RHOBTB3: variants seen among roughly 807,000 people sequenced by gnomAD.
RHOBTB3 encodes Rho related BTB domain containing 3.
RHOBTB3 carries 47 observed loss-of-function variants against 67.2 expected under a neutral mutation model. The ratio of observed to expected loss-of-function variants is 0.70; its 90% CI spans 0.55 to 0.89. The LOEUF is 0.89. Among genes scored for constraint, RHOBTB3 ranks in the 40% least tolerant of loss-of-function variants. The probability of loss-of-function intolerance (pLI) is 0.00; values close to 1 mark genes in which losing one functional copy is unlikely to be tolerated. For missense variants in RHOBTB3, 631 were observed against 750.0 expected (o/e 0.84, Z 1.85); for synonymous variants, 273 against 274.2 (o/e 1.00, Z 0.04).
chr5:95,777,459 T>C (rs1433475446), intron 8 of RHOBTB3, among the ~76,000 whole-genome samples: 2 of 152,228 alleles, frequency 1.3e-5, no homozygotes, highest in African/African-American at 2.4e-5. Flanking sequence ...ATTCTTAAAA[T>C]TGTAACATCA....
intron 3 of RHOBTB3, among the ~76,000 whole-genome samples, chr5:95,747,447 A>T (rs948010737): frequency 1.3e-5 from 2 of 152,210 alleles, no homozygotes; most frequent in African/African-American, 4.8e-5. Flanking sequence ...AACAACATGC[A>T]TTTCTAGAAA....
chr5:95,782,285 G>C (rs1225010685), intron 9 of RHOBTB3: 2 of 152,074 alleles, frequency 1.3e-5, no homozygotes, highest in African/African-American at 4.8e-5. Context: ...ATGTAAGGAG[G>C]GATAAGAACG....
intron 10 of RHOBTB3, among the ~76,000 whole-genome samples, chr5:95,785,050 C>T (rs1333017932): frequency 6.6e-6 from 1 of 152,222 alleles, no homozygotes; most frequent in Non-Finnish European, 1.5e-5. Flanking sequence ...AAAAGCATGA[C>T]AACTTTTATC....
chr5:95,734,635 C>G, intron 2 of RHOBTB3, among the ~76,000 whole-genome samples: 1 of 152,176 alleles, frequency 6.6e-6, no homozygotes, highest in East Asian at 1.9e-4. Context: ...GTGTCTTTCT[C>G]TCTCTTTCCC....
Position 95,738,524 on chromosome 5 carries a change from A to G in RHOBTB3, c.415+1449A>G, listed in dbSNP as rs115145688. ...AATGGATTGATGCTATTATCTTTAA[A>G]GTGGGTTAATTATCATGGGAGTGGG... On this transcript the variant is annotated intron_variant, in intron 3 of 11. Coordinates refer to ENST00000379982, the MANE Select transcript of RHOBTB3 (RefSeq NM_014899.4). 5.7e-3 allele frequency among the ~76,000 whole-genome samples: 868 copies of G among 152,270 alleles called. 9 individuals are homozygous for G. Among genetic ancestry groups the G allele is most frequent in the African/African-American group, 0.02 (812 of 41,546 alleles).
chr5:95,771,447 G>A (rs571434409), intron 8 of RHOBTB3, among the ~76,000 whole-genome samples: 1 of 152,280 alleles, frequency 6.6e-6, no homozygotes, highest in East Asian at 1.9e-4. Context: ...ACAAGCCACG[G>A]CCAGCCCTGT....
rs780420448 is a variant in RHOBTB3 at position 95,731,977 on chromosome 5, A to G, written c.121A>G (p.Ser41Gly). Residue 41 changes from serine to glycine, a missense_variant, in exon 2 of 12, where the codon AGC becomes GGC. By Grantham distance (56) the Ser-to-Gly change is moderately conservative. Transcript: ENST00000379982. ...CCCTCTGGTCTCCGGGGACGAGAGC[A>G]GCTTGTTGCTGAACGCGGCCAGCAC... ...RSPLVSGDES[S>G]LLLNAASTVA... The G allele has an allele frequency of 1.2e-6, 2 of 1,614,148 alleles. No individual in the cohort carries two copies. Among genetic ancestry groups the G allele is most frequent in the Admixed American group, 3.3e-5 (2 of 60,034 alleles).
chr5:95,740,964 GTTATC>G (rs1755577689), intron 3 of RHOBTB3, among the ~76,000 whole-genome samples: 2 of 151,944 alleles, frequency 1.3e-5, no homozygotes, highest in Admixed American at 6.6e-5. Flanking sequence ...GAACAAGGCC[GTTATC>G]TTATTAAGCC....
rs1238878567 is a variant in RHOBTB3 at position 95,731,565 on chromosome 5, C to T, written c.-118C>T. ...TCGGCCCCGCCGCGGTGGAGGCGCG[C>T]GAGGGGGACGCGGCCGGGGATGAGC... On this transcript the variant is annotated 5_prime_UTR_variant, in exon 1 of 12. Coordinates refer to ENST00000379982, the MANE Select transcript of RHOBTB3 (RefSeq NM_014899.4). 6 of 1,493,242 alleles carry T rather than the reference C, an allele frequency of 4.0e-6. No individual in the cohort carries two copies. Among genetic ancestry groups the T allele is most frequent in the Non-Finnish European group, 5.3e-6 (6 of 1,121,504 alleles). 92.5% of individuals were successfully genotyped at this position (1,493,242 alleles called of 1,614,324 possible). A position where few individuals can be genotyped will look rare whatever the true frequency, so the allele number is the denominator to read the frequency against.
intron 8 of RHOBTB3, 25 bp from the exon 9 acceptor site, chr5:95,780,227 C>T: frequency 6.2e-7 from 1 of 1,605,236 alleles, no homozygotes; most frequent in Non-Finnish European, 8.5e-7. Flanking sequence ...TCACTTGTTT[C>T]TTGTTTCCCT....
In RHOBTB3 at chr5:95,770,148, T is replaced by C. The variant is rs147127668; in HGVS notation, c.1282+1982T>C. The C allele has an allele frequency of 1.5e-3, 408 of 271,306 alleles. 3 individuals are homozygous for C. The highest frequency in any genetic ancestry group is 8.8e-3 in the African/African-American group (387 of 43,920). 16.8% of individuals were successfully genotyped at this position (271,306 alleles called of 1,614,324 possible). ...CAAGAAATCATTGAGCAGTTAGATATCACAGCTAGTGAATATGAAAAGGGA... is the reference window on the plus strand; with the variant it reads ...CAAGAAATCATTGAGCAGTTAGATACCACAGCTAGTGAATATGAAAAGGGA... On this transcript the variant is annotated intron_variant, in intron 8 of 11. Transcript: ENST00000379982.
rs1239795220 is a variant in RHOBTB3, at chr5:95,795,714, G to A, written c.*2540G>A. On this transcript the variant is annotated 3_prime_UTR_variant, in exon 12 of 12. Transcript: ENST00000379982. ...ATCAAATTAGTGTTTAAACCCATTTGCATATTGACTTGTCAGTACCTTTAA... is the reference window on the plus strand; with the variant it reads ...ATCAAATTAGTGTTTAAACCCATTTACATATTGACTTGTCAGTACCTTTAA... The A allele has an allele frequency of 8.5e-5, 13 of 152,172 alleles. No homozygotes were observed. The highest frequency in any genetic ancestry group is 8.5e-4 in the Admixed American group (13 of 15,268). The allele number at this position is 152,172 out of a possible 1,614,324, so 9.4% of individuals were successfully genotyped here.
intron 5 of RHOBTB3, among the ~76,000 whole-genome samples, chr5:95,754,881 C>T (rs999706069): frequency 6.6e-6 from 1 of 152,186 alleles, no homozygotes; most frequent in African/African-American, 2.4e-5. Context: ...ACAATTTTAA[C>T]AGCTCAGCCC....
At chr5:95,717,635 T>C (rs969926145) in exon 1 of RHOBTB3, 1 of 152,200 alleles carries the variant, frequency 6.6e-6, no homozygotes, top group African/African-American at 2.4e-5. Context: ...ATCTCTGCAT[T>C]GACTAAACCT....
chr5:95,775,414 AT>A (rs1713487691), intron 8 of RHOBTB3, among the ~76,000 whole-genome samples: 1 of 148,636 alleles, frequency 6.7e-6, no homozygotes. Flanking sequence ...GTGTATATAT[AT>A]ATATATACAC....
At chr5:95,782,259 A>G (rs1746070639) in intron 9 of RHOBTB3, 1 of 152,224 alleles carries the variant, frequency 6.6e-6, no homozygotes, top group Non-Finnish European at 1.5e-5. Flanking sequence ...TTCCATAGCT[A>G]CAAAAGAATG....
intron 1 of RHOBTB3, among the ~76,000 whole-genome samples, chr5:95,722,283 T>C (rs1754908107): frequency 6.6e-6 from 1 of 152,172 alleles, no homozygotes; most frequent in Non-Finnish European, 1.5e-5. Context: ...GAACAAAATC[T>C]ATTTTTTAAT....
At chr5:95,723,734 C>G (rs570757072) in intron 1 of RHOBTB3, among the ~76,000 whole-genome samples, 1 of 152,286 alleles carries the variant, frequency 6.6e-6, no homozygotes, top group South Asian at 2.1e-4. Flanking sequence ...CTTCCTGTCT[C>G]GCAGCCTCCC....
At chr5:95,766,869 G>A (rs942587049) in intron 7 of RHOBTB3, among the ~76,000 whole-genome samples, 7 of 152,206 alleles carry the variant, frequency 4.6e-5, no homozygotes, top group African/African-American at 7.2e-5. Flanking sequence ...ATAGGTTCTA[G>A]TGGGCTCTGC....
Sources: allele counts gnomAD v4.1 joint callset (sites outside exome capture counted in the v4.1 genomes callset), GRCh38; gene constraint gnomAD v4.1.1; transcripts MANE v1.5; gene names NCBI Gene and HGNC (gene_info 2026-07-23, HGNC 2026-07-21).